SHISA9: variants seen among roughly 807,000 people sequenced by gnomAD.
The protein encoded by SHISA9 is shisa family member 9, also known as protein shisa-9.
SHISA9 carries 13 observed loss-of-function variants against 38.0 expected under a neutral mutation model. That is an observed-to-expected ratio of 0.34 (90% confidence interval 0.22 to 0.54). The LOEUF (loss-of-function observed/expected upper bound fraction) is 0.54, where lower values mean the gene tolerates loss of function less well. Ranked by LOEUF, SHISA9 falls within the 20% of genes least tolerant of loss-of-function variation. SHISA9 has a pLI of 0.91. For missense variants in SHISA9, 538 were observed against 575.8 expected, an observed-to-expected ratio of 0.93 and a Z score of 0.67; for synonymous variants, 275 against 242.0, an observed-to-expected ratio of 1.14 and a Z score of -1.27.
the SHISA9 span, among the ~76,000 whole-genome samples, chr16:13,382,270 G>A: frequency 8.3e-3 from 1,270 of 152,278 alleles, 21 homozygotes; most frequent in African/African-American, 0.029. Flanking sequence ...GCTCATGCCT[G>A]TAATCCCAGC....
the SHISA9 span, among the ~76,000 whole-genome samples, chr16:13,368,629 T>G: frequency 6.6e-6 from 1 of 152,020 alleles, no homozygotes; most frequent in Non-Finnish European, 1.5e-5. Flanking sequence ...GTGTGCTGTA[T>G]TGATCAGAGG....
the SHISA9 span, among the ~76,000 whole-genome samples, chr16:13,250,567 C>T: frequency 1.1e-4 from 17 of 152,164 alleles, no homozygotes; most frequent in South Asian, 4.1e-4. Context: ...ACTCCTCTGA[C>T]GCTCTTGGTC....
intron 1 of SHISA9, among the ~76,000 whole-genome samples, chr16:12,912,749 G>A (rs954700540): frequency 2.0e-5 from 3 of 152,112 alleles, no homozygotes; most frequent in African/African-American, 4.8e-5. Flanking sequence ...CCCAATCCCC[G>A]CACTGCTTAG....
chr16:13,331,148 C>A, the SHISA9 span, among the ~76,000 whole-genome samples: 1 of 152,056 alleles, frequency 6.6e-6, no homozygotes, highest in Admixed American at 6.5e-5. Context: ...CCAGACATAA[C>A]AATGGTGCTA....
At chr16:13,092,784 G>A (rs555257560) in intron 2 of SHISA9, among the ~76,000 whole-genome samples, 7 of 152,280 alleles carry the variant, frequency 4.6e-5, no homozygotes, top group African/African-American at 1.4e-4. Flanking sequence ...TCTTGGGTGA[G>A]GTGACGCTCC....
chr16:13,291,168 G>A, the SHISA9 span, among the ~76,000 whole-genome samples: 16 of 152,082 alleles, frequency 1.1e-4, no homozygotes, highest in Non-Finnish European at 2.9e-5. Flanking sequence ...TTATGTGGTG[G>A]TCTCAGAGAA....
chr16:13,413,056 A>C, the SHISA9 span, among the ~76,000 whole-genome samples: 2 of 152,200 alleles, frequency 1.3e-5, no homozygotes, highest in African/African-American at 4.8e-5. Flanking sequence ...ACAGAAAAAG[A>C]AGGGATTAAC....
the SHISA9 span, among the ~76,000 whole-genome samples, chr16:13,440,874 A>C: frequency 2.0e-5 from 3 of 151,890 alleles, no homozygotes; most frequent in Non-Finnish European, 4.4e-5. Flanking sequence ...GTGAGCTGAG[A>C]TCGTGCCACT....
intron 2 of SHISA9, among the ~76,000 whole-genome samples, chr16:12,959,151 G>A (rs1375145812): frequency 6.6e-6 from 1 of 152,166 alleles, no homozygotes; most frequent in African/African-American, 2.4e-5. Flanking sequence ...GGATTTGTTT[G>A]TTCAATGCTG....
At chr16:13,193,476 C>T (rs538137548) in intron 2 of SHISA9, among the ~76,000 whole-genome samples, 75 of 152,166 alleles carry the variant, frequency 4.9e-4, no homozygotes, top group African/African-American at 1.7e-3. Context: ...CTCAGCCTCC[C>T]GAGTAGCTGG....
At chr16:13,273,626 G>A in the SHISA9 span, among the ~76,000 whole-genome samples, 2 of 152,224 alleles carry the variant, frequency 1.3e-5, no homozygotes, top group African/African-American at 4.8e-5. Flanking sequence ...CCAGTATTGG[G>A]TATGTCTTTA....
chr16:13,264,518 T>G, the SHISA9 span, among the ~76,000 whole-genome samples: 1 of 152,282 alleles, frequency 6.6e-6, no homozygotes, highest in South Asian at 2.1e-4. Flanking sequence ...GAGTTTCTTT[T>G]GGTTGTCTGA....
the SHISA9 span, among the ~76,000 whole-genome samples, chr16:13,489,008 C>G: frequency 2.0e-4 from 31 of 152,068 alleles, no homozygotes; most frequent in Non-Finnish European, 3.8e-4. Flanking sequence ...CTCCTGAACT[C>G]GTGATCTGCC....
chr16:13,483,828 T>A, the SHISA9 span, among the ~76,000 whole-genome samples: 1 of 152,180 alleles, frequency 6.6e-6, no homozygotes, highest in Non-Finnish European at 1.5e-5. Flanking sequence ...GCATGGAAGC[T>A]CTGTGTCCCT....
intron 2 of SHISA9, among the ~76,000 whole-genome samples, chr16:13,033,393 T>C (rs893393577): frequency 6.6e-6 from 1 of 152,188 alleles, no homozygotes; most frequent in South Asian, 2.1e-4. Flanking sequence ...AACCAGGGAT[T>C]TGGAAGCCAT....
At chr16:13,070,063 C>T (rs1371433760) in intron 2 of SHISA9, among the ~76,000 whole-genome samples, 1 of 151,658 alleles carries the variant, frequency 6.6e-6, no homozygotes, top group Non-Finnish European at 1.5e-5. Context: ...TTGGGGGCTT[C>T]CATTTTATGT....
At chr16:12,918,028 G>T (rs926927123) in intron 2 of SHISA9, among the ~76,000 whole-genome samples, 4 of 152,150 alleles carry the variant, frequency 2.6e-5, no homozygotes, top group African/African-American at 9.7e-5. Flanking sequence ...GTCAATGTTT[G>T]CATGGTTTGA....
At chr16:13,185,824 A>T (rs904710439) in intron 2 of SHISA9, among the ~76,000 whole-genome samples, 3 of 152,172 alleles carry the variant, frequency 2.0e-5, no homozygotes, top group African/African-American at 7.2e-5. Context: ...AAAGGGTTTG[A>T]TTTACTCAAC....
chr16:13,083,342 G>A lies in SHISA9; in HGVS notation c.692-120052G>A, dbSNP rs192527261. Among the ~76,000 whole-genome samples the A allele has an allele frequency of 1.1e-3, 165 of 152,292 alleles. 5 individuals are homozygous for A. The East Asian group carries it at 0.027, about 25-fold the overall frequency. On this transcript the variant is annotated intron_variant, in intron 2 of 4. Coordinates refer to ENST00000558583, the MANE Select transcript of SHISA9 (RefSeq NM_001145204.3). ...TGATCATAGAAGTGCATCATTGTGC[G>A]AATAGTTGTAGGCGTTCCATGAGAT...
Sources: allele counts gnomAD v4.1 joint callset (sites outside exome capture counted in the v4.1 genomes callset), GRCh38; gene constraint gnomAD v4.1.1; transcripts MANE v1.5; gene names NCBI Gene and HGNC (gene_info 2026-07-23, HGNC 2026-07-21).